Variants in SMCHD1 observed in about 807,000 individuals in gnomAD.
The protein encoded by SMCHD1 is structural maintenance of chromosomes flexible hinge domain-containing protein 1.
A neutral mutation model predicts 254.7 loss-of-function variants in SMCHD1; 78 were observed. That is an observed-to-expected ratio of 0.31 (90% confidence interval 0.26 to 0.37). The LOEUF (loss-of-function observed/expected upper bound fraction) is 0.37. Ranked by LOEUF, SMCHD1 falls within the 10% of genes least tolerant of loss-of-function variation. The probability of loss-of-function intolerance (pLI) is 1.00; values close to 1 mark genes in which losing one functional copy is unlikely to be tolerated. For missense variants in SMCHD1, 1,840 were observed against 2,408.1 expected (o/e 0.76, Z 4.94); for synonymous variants, 766 against 794.9 (o/e 0.96, Z 0.61).
At chr18:2,670,038 T>G (rs376976881) in intron 3 of SMCHD1, among the ~76,000 whole-genome samples, 5 of 152,326 alleles carry the variant, frequency 3.3e-5, no homozygotes, top group African/African-American at 7.2e-5. Context: ...CACTAACTAG[T>G]AGTTACTGGT....
At chr18:2,765,087 ATCTT>A (rs1036329524) in intron 37 of SMCHD1, among the ~76,000 whole-genome samples, 12 of 152,260 alleles carry the variant, frequency 7.9e-5, no homozygotes, top group African/African-American at 2.6e-4. Flanking sequence ...TTTGGTTTTA[ATCTT>A]TCTAAGATTG....
At chr18:2,751,725 A>G (rs76950665) in intron 33 of SMCHD1, among the ~76,000 whole-genome samples, 4 of 152,240 alleles carry the variant, frequency 2.6e-5, no homozygotes, top group African/African-American at 9.6e-5. Context: ...AAGAGATAGG[A>G]TTGATAGACT....
At position 2,768,877 on chromosome 18, in the gene SMCHD1, C is replaced by T. The variant is rs185901837; in HGVS notation, c.4720-817C>T. On this transcript the variant is annotated intron_variant, in intron 37 of 47. Coordinates refer to ENST00000320876, the MANE Select transcript of SMCHD1 (RefSeq NM_015295.3). Reference sequence around the variant, plus strand: ...GTCTGTTGAAAACCACATTCAGAAACTGATTGGCAGTTGGTTTAATGGTGG... The same window carrying T: ...GTCTGTTGAAAACCACATTCAGAAATTGATTGGCAGTTGGTTTAATGGTGG... Among the ~76,000 whole-genome samples the T allele has an allele frequency of 7.8e-4, 102 of 130,508 alleles. 1 individual carries two copies. Among genetic ancestry groups the T allele is most frequent in the African/African-American group, 2.5e-3 (102 of 40,876 alleles). The allele number at this position is 130,508 out of a possible 152,430, so 85.6% of individuals were successfully genotyped here. A position where few individuals can be genotyped will look rare whatever the true frequency, so the allele number is the denominator to read the frequency against.
intron 7 of SMCHD1, among the ~76,000 whole-genome samples, chr18:2,689,253 T>C (rs1555630918): frequency 6.8e-6 from 1 of 147,672 alleles, no homozygotes; most frequent in Non-Finnish European, 1.5e-5. Flanking sequence ...AGTCTCACTC[T>C]GTCTCCTGGG....
At chr18:2,765,490 A>G (rs12608340) in intron 37 of SMCHD1, among the ~76,000 whole-genome samples, 13,838 of 152,278 alleles carry the variant, frequency 0.091, 1,001 homozygotes, top group East Asian at 0.42. Context: ...CCTGGCCTGA[A>G]GACTTGTCAA....
intron 20 of SMCHD1, 44 bp downstream of exon 20, chr18:2,722,707 A>G: frequency 6.5e-7 from 1 of 1,529,838 alleles, no homozygotes; most frequent in South Asian, 1.3e-5. Context: ...GATATTTGCT[A>G]AGCATTTACT....
At chr18:2,745,047 G>T (rs2075425261) in intron 29 of SMCHD1, among the ~76,000 whole-genome samples, 1 of 152,138 alleles carries the variant, frequency 6.6e-6, no homozygotes, top group Non-Finnish European at 1.5e-5. Context: ...TTCACCTGTT[G>T]GCCATGGTTG....
intron 5 of SMCHD1, among the ~76,000 whole-genome samples, chr18:2,676,474 A>C (rs991532536): frequency 6.6e-6 from 1 of 152,194 alleles, no homozygotes; most frequent in Non-Finnish European, 1.5e-5. Flanking sequence ...CAGGTAGAAG[A>C]AGCACCAGCA....
At chr18:2,667,172 C>A in intron 3 of SMCHD1, 141 bp downstream of exon 3, 1 of 675,506 alleles carries the variant, frequency 1.5e-6, no homozygotes, top group Non-Finnish European at 2.5e-6. Flanking sequence ...TACTCAAATT[C>A]ATCACGGTAT....
At chr18:2,713,573 T>C (rs2074728502) in intron 17 of SMCHD1, among the ~76,000 whole-genome samples, 1 of 152,134 alleles carries the variant, frequency 6.6e-6, no homozygotes, top group Non-Finnish European at 1.5e-5. Context: ...TAATTTCAGC[T>C]ACTCGGGAGG....
chr18:2,757,380 T>A (rs1489724002), intron 34 of SMCHD1, among the ~76,000 whole-genome samples: 1 of 151,958 alleles, frequency 6.6e-6, no homozygotes, highest in Non-Finnish European at 1.5e-5. Flanking sequence ...CCAGCTAATT[T>A]TTTTTTTTAA....
intron 42 of SMCHD1, among the ~76,000 whole-genome samples, chr18:2,776,163 A>C (rs925854523): frequency 2.6e-5 from 4 of 152,254 alleles, no homozygotes; most frequent in Admixed American, 6.5e-5. Context: ...CATACATTAC[A>C]TGTATATGTA....
intron 1 of SMCHD1, among the ~76,000 whole-genome samples, chr18:2,664,470 C>T (rs898740723): frequency 6.6e-6 from 1 of 152,008 alleles, no homozygotes; most frequent in Non-Finnish European, 1.5e-5. Flanking sequence ...TCAACTAGGT[C>T]TTTAATATTC....
At chr18:2,706,616 A>G (rs2074520403) in intron 15 of SMCHD1, 146 bp downstream of exon 15, 1 of 490,744 alleles carries the variant, frequency 2.0e-6, no homozygotes, top group Admixed American at 3.7e-5. Flanking sequence ...TCTTGTTGAA[A>G]AAAATTAAGA....
intron 22 of SMCHD1, among the ~76,000 whole-genome samples, chr18:2,727,428 G>A (rs957870433): frequency 2.0e-5 from 3 of 152,008 alleles, no homozygotes; most frequent in Non-Finnish European, 2.9e-5. Flanking sequence ...TCCATTGGTG[G>A]AAGTATAAGA....
chr18:2,746,975 C>T (rs1234089078), intron 29 of SMCHD1, among the ~76,000 whole-genome samples: 1 of 141,840 alleles, frequency 7.1e-6, no homozygotes, highest in Non-Finnish European at 1.6e-5. Context: ...AGTGAATAGT[C>T]CTATTTAACC....
chr18:2,699,192 G>A (rs2074346912), intron 10 of SMCHD1, among the ~76,000 whole-genome samples: 1 of 152,118 alleles, frequency 6.6e-6, no homozygotes, highest in Non-Finnish European at 1.5e-5. Context: ...CCTTACCTGG[G>A]AAATGGGTAG....
At chr18:2,772,121 T>C (rs767046970) in intron 40 of SMCHD1, 129 bp from the exon 41 acceptor site, 2 of 683,122 alleles carry the variant, frequency 2.9e-6, no homozygotes, top group Non-Finnish European at 4.1e-6. Flanking sequence ...GTTTTTTTTT[T>C]AATAATGCCT....
intron 40 of SMCHD1, 28 bp from the exon 41 acceptor site, chr18:2,772,222 G>A: frequency 6.5e-7 from 1 of 1,529,988 alleles, no homozygotes; most frequent in South Asian, 1.3e-5. Context: ...AATTGGTCTT[G>A]TAGTTAATTT....
Sources: gnomAD v4.1 joint callset for allele counts (sites outside exome capture counted in the v4.1 genomes callset) on GRCh38, gnomAD v4.1.1 for gene constraint, MANE v1.5 for transcripts, NCBI Gene and HGNC (gene_info 2026-07-23, HGNC 2026-07-21) for gene names.